Variants in PLEKHA7 observed in about 807,000 individuals in gnomAD.
The protein encoded by PLEKHA7 is pleckstrin homology domain containing A7.
In PLEKHA7, 104 loss-of-function variants were observed where a neutral mutation model predicts 170.0. The ratio of observed to expected loss-of-function variants is 0.61; its 90% confidence interval spans 0.52 to 0.72. The LOEUF is 0.72. Ranked by LOEUF, PLEKHA7 falls within the 30% of genes least tolerant of loss-of-function variation. The probability of loss-of-function intolerance (pLI) is 0.00; values close to 1 mark genes in which losing one functional copy is unlikely to be tolerated. For synonymous variants in PLEKHA7, 648 were observed against 660.8 expected (o/e 0.98, Z 0.30); for missense variants, 1,615 against 1,671.7 (o/e 0.97, Z 0.59).
chr11:16,965,432 T>C (rs934319177), intron 3 of PLEKHA7, among the ~76,000 whole-genome samples: 11 of 152,312 alleles, frequency 7.2e-5, no homozygotes, highest in African/African-American at 2.4e-4. Flanking sequence ...GAAAGATATC[T>C]GGGGGAAATA....
chr11:17,009,935 C>G (rs901379254), intron 3 of PLEKHA7, among the ~76,000 whole-genome samples: 3 of 151,934 alleles, frequency 2.0e-5, no homozygotes, highest in African/African-American at 7.2e-5. Context: ...GCCAAAAAAT[C>G]TTTTTAAAGG....
intron 4 of PLEKHA7, among the ~76,000 whole-genome samples, chr11:16,860,780 G>C (rs2135528654): frequency 6.6e-6 from 1 of 152,292 alleles, no homozygotes; most frequent in African/African-American, 2.4e-5. Context: ...CAACCCCCAG[G>C]TCAAGGAAAT....
At chr11:16,874,435 A>AG (rs11392695) in intron 3 of PLEKHA7, among the ~76,000 whole-genome samples, 152,292 of 152,292 alleles carry the variant, frequency 1, 76,146 homozygotes, top group Non-Finnish European at 1. Context: ...CGAGCCCAGG[A>AG]GTCAAGGCTG....
chr11:16,981,940 T>G (rs146032758), intron 3 of PLEKHA7, among the ~76,000 whole-genome samples: 1 of 152,242 alleles, frequency 6.6e-6, no homozygotes, highest in Non-Finnish European at 1.5e-5. Flanking sequence ...TTACCCACGT[T>G]GCCCTTATTT....
intron 3 of PLEKHA7, among the ~76,000 whole-genome samples, chr11:17,009,185 A>G (rs777651686): frequency 1.3e-5 from 2 of 152,288 alleles, no homozygotes; most frequent in Non-Finnish European, 2.9e-5. Context: ...GAGGGACCAA[A>G]GACCTATGTT....
intron 3 of PLEKHA7, among the ~76,000 whole-genome samples, chr11:16,892,841 A>G (rs1856755013): frequency 6.6e-6 from 1 of 152,004 alleles, no homozygotes; most frequent in Non-Finnish European, 1.5e-5. Context: ...AACAACATCC[A>G]TTTACTTCTG....
rs1859465561 is a variant in PLEKHA7, at chr11:16,925,632, G to A, written c.222-54450C>T. On this transcript the variant is annotated intron_variant, in intron 3 of 26. Transcript: ENST00000531066. Reference sequence around the variant, plus strand: ...ATGCGACTGCTTCGCGAGCCCGGGCGGGCCACCGGTCAGCGGCGCTGGGCT... The same window carrying A: ...ATGCGACTGCTTCGCGAGCCCGGGCAGGCCACCGGTCAGCGGCGCTGGGCT... 2.0e-5 allele frequency among the ~76,000 whole-genome samples: 3 copies of A among 152,186 alleles called. No individual in the cohort carries two copies. The South Asian group carries it at 6.2e-4, about 31-fold the overall frequency.
chr11:16,848,373 G>A (rs1852637733), intron 8 of PLEKHA7, among the ~76,000 whole-genome samples: 1 of 152,228 alleles, frequency 6.6e-6, no homozygotes, highest in Non-Finnish European at 1.5e-5. Flanking sequence ...CTCTTGGCAT[G>A]CCTTCAGAAT....
intron 3 of PLEKHA7, among the ~76,000 whole-genome samples, chr11:16,954,190 T>C (rs1861564645): frequency 6.6e-6 from 1 of 152,176 alleles, no homozygotes; most frequent in African/African-American, 2.4e-5. Flanking sequence ...TATAAATGTT[T>C]TCTTATCCAG....
chr11:16,852,593 AATATT>A (rs1021119787), intron 6 of PLEKHA7, among the ~76,000 whole-genome samples: 8 of 152,212 alleles, frequency 5.3e-5, no homozygotes, highest in Admixed American at 5.2e-4. Flanking sequence ...ATTAATATAT[AATATT>A]ATAAGTCACT....
chr11:16,959,354 T>G (rs1861905484), intron 3 of PLEKHA7, among the ~76,000 whole-genome samples: 1 of 152,162 alleles, frequency 6.6e-6, no homozygotes, highest in African/African-American at 2.4e-5. Context: ...TGGATGGAAC[T>G]GTTAAAAAAA....
intron 12 of PLEKHA7, 30 bp from the exon 13 acceptor site, chr11:16,813,196 A>C: frequency 6.3e-7 from 1 of 1,589,398 alleles, no homozygotes; most frequent in South Asian, 1.1e-5. Context: ...GAAAAAACAC[A>C]GTTATGAACA....
intron 24 of PLEKHA7, 72 bp from the exon 25 acceptor site, chr11:16,783,905 C>G: frequency 3.1e-6 from 4 of 1,302,940 alleles, no homozygotes; most frequent in Non-Finnish European, 2.9e-6. Flanking sequence ...TTCCCCACCT[C>G]TGTCCCCTCC....
intron 3 of PLEKHA7, among the ~76,000 whole-genome samples, chr11:16,989,316 G>C (rs1182390719): frequency 6.6e-6 from 1 of 152,164 alleles, no homozygotes; most frequent in African/African-American, 2.4e-5. Flanking sequence ...TATTTACTGA[G>C]AGACCATAGA....
At chr11:16,827,752 C>T (rs1320920080) in intron 9 of PLEKHA7, among the ~76,000 whole-genome samples, 2 of 151,290 alleles carry the variant, frequency 1.3e-5, no homozygotes, top group Non-Finnish European at 1.5e-5. Flanking sequence ...CTTGCTCCAG[C>T]TCAGCTCAGA....
chr11:16,791,254 C>A lies in PLEKHA7; in HGVS notation c.2746-55G>T. 1 of 1,469,768 alleles carries A rather than the reference C, an allele frequency of 6.8e-7. No homozygotes were observed. The highest frequency in any genetic ancestry group is 9.2e-7 in the Non-Finnish European group (1 of 1,090,148). The allele number at this position is 1,469,768 out of a possible 1,614,324, so 91.0% of individuals were successfully genotyped here. A position where few individuals can be genotyped will look rare whatever the true frequency, so the allele number is the denominator to read the frequency against. On this transcript the variant is annotated intron_variant, in intron 19 of 26. Coordinates refer to ENST00000531066, the MANE Select transcript of PLEKHA7 (RefSeq NM_001329630.2). This position sits in a 1 kb window ranked among gnomAD's most constrained non-coding sequence, Gnocchi z 4.5. ...CAGCGAGACGGAGCTGGAGGGAGGA[C>A]TGCTAGGTACTGCCACAGTGGAGGT... is the stretch of plus-strand genomic sequence containing the variant.
intron 12 of PLEKHA7, 74 bp from the exon 13 acceptor site, chr11:16,813,240 G>C (rs1335504021): frequency 7.6e-7 from 1 of 1,316,192 alleles, no homozygotes; most frequent in Non-Finnish European, 1.1e-6. Flanking sequence ...TTTCACATGT[G>C]AATTATTTAC....
At chr11:16,953,976 A>G (rs1354743869) in intron 3 of PLEKHA7, among the ~76,000 whole-genome samples, 4 of 152,180 alleles carry the variant, frequency 2.6e-5, no homozygotes, top group Non-Finnish European at 5.9e-5. Flanking sequence ...AAACTTATAT[A>G]AAGTTCAGAA....
At chr11:16,808,357 G>C (rs1375741793) in intron 13 of PLEKHA7, among the ~76,000 whole-genome samples, 1 of 152,180 alleles carries the variant, frequency 6.6e-6, no homozygotes, top group Non-Finnish European at 1.5e-5. Context: ...TCAAACCCTA[G>C]TGTGCACAAG....
Sources: allele counts gnomAD v4.1 joint callset (sites outside exome capture counted in the v4.1 genomes callset), GRCh38; gene constraint gnomAD v4.1.1; non-coding constraint Gnocchi (gnomAD v3.1); transcripts MANE v1.5; gene names NCBI Gene and HGNC (gene_info 2026-07-23, HGNC 2026-07-21).